PIK3R5: variants seen among roughly 807,000 people sequenced by gnomAD.
The protein encoded by PIK3R5 is phosphoinositide-3-kinase regulatory subunit 5, also known as phosphoinositide 3-kinase regulatory subunit 5.
Under a neutral mutation model 94.9 loss-of-function variants are expected in PIK3R5, and 32 were observed. That is an observed-to-expected ratio of 0.34 (90% CI 0.25 to 0.45). PIK3R5 has a LOEUF of 0.45. PIK3R5 is among the 20% of genes least tolerant of loss of function. PIK3R5 has a pLI of 1.00. For missense variants in PIK3R5, 853 were observed against 1,144.6 expected (o/e 0.75, Z 3.68); for synonymous variants, 443 against 479.4 (o/e 0.92, Z 0.99).
intron 5 of PIK3R5, among the ~76,000 whole-genome samples, chr17:8,894,641 G>A (rs1408461936): frequency 1.3e-5 from 2 of 152,238 alleles, no homozygotes; most frequent in Non-Finnish European, 2.9e-5. Context: ...GTTGTGCACA[G>A]TAGTCGCTTT....
At chr17:8,927,324 A>G (rs944087424) in intron 1 of PIK3R5, among the ~76,000 whole-genome samples, 5 of 152,232 alleles carry the variant, frequency 3.3e-5, no homozygotes, top group African/African-American at 9.6e-5. Context: ...AGCAAAAGCC[A>G]GTTAATCGGC....
chr17:8,935,312 G>A lies in PIK3R5; in HGVS notation c.-13-23805C>T, dbSNP rs139850062. Among the ~76,000 whole-genome samples the A allele has an allele frequency of 6.6e-6, 1 of 152,164 alleles. No individual in the cohort carries two copies. Among genetic ancestry groups the A allele is most frequent in the Non-Finnish European group, 1.5e-5 (1 of 68,030 alleles). ...ACATGAGTGTGCAAACGAAAGCCCC[G>A]CCCAAATATAGGCCCATGATGTTAT... On this transcript the variant is annotated intron_variant, in intron 1 of 18. Transcript: ENST00000447110. This position sits in a 1 kb window ranked among gnomAD's most constrained non-coding sequence, Gnocchi z 4.5.
In PIK3R5 at chr17:8,955,429, GGAGAGCGTGAT is replaced by G. The variant is rs1186729160; in HGVS notation, c.-14+10156_-14+10166del. Reference sequence around the variant, plus strand: ...AACTGAGTCAGGCAGTCTGGCTGGAGGAGAGCGTGATGATTCGTGGAGAAAGGAGTGGGACT... The same window carrying G: ...AACTGAGTCAGGCAGTCTGGCTGGAGGATTCGTGGAGAAAGGAGTGGGACT... On this transcript the variant is annotated intron_variant, in intron 1 of 18. Transcript: ENST00000447110. The surrounding 1 kb of genome is among the most constrained non-coding windows in gnomAD (Gnocchi z 4.4). 6.6e-6 allele frequency among the ~76,000 whole-genome samples: 1 copy of G among 152,250 alleles called. No homozygotes were observed. Among genetic ancestry groups the G allele is most frequent in the Admixed American group, 6.5e-5 (1 of 15,288 alleles).
chr17:8,890,335 C>T lies in PIK3R5; in HGVS notation c.658-209G>A, dbSNP rs140941928. ...GTCAGGAGAGAAAGATCCAGAGCCA[C>T]GGCACTGCAGTTAGGAGGGACTTCA... is the stretch of plus-strand genomic sequence containing the variant. On this transcript the variant is annotated intron_variant, in intron 7 of 18. Coordinates refer to ENST00000447110, the MANE Select transcript of PIK3R5 (RefSeq NM_001142633.3). This position sits in a 1 kb window ranked among gnomAD's most constrained non-coding sequence, Gnocchi z 6.1. Among the ~76,000 whole-genome samples, 16 of 152,262 alleles carry T rather than the reference C, an allele frequency of 1.1e-4. No homozygotes were observed. The highest frequency in any genetic ancestry group is 3.4e-4 in the African/African-American group (14 of 41,548).
intron 1 of PIK3R5, among the ~76,000 whole-genome samples, chr17:8,953,052 G>C (rs551324595): frequency 1.3e-5 from 2 of 152,340 alleles, no homozygotes; most frequent in East Asian, 3.9e-4. Flanking sequence ...GTGCTGGACT[G>C]TAATAGCACA....
chr17:8,919,713 G>C (rs936873682), intron 1 of PIK3R5, among the ~76,000 whole-genome samples: 1 of 152,208 alleles, frequency 6.6e-6, no homozygotes, highest in South Asian at 2.1e-4. Flanking sequence ...GTGTGCTTGG[G>C]ATCTGCAAGA....
intron 1 of PIK3R5, among the ~76,000 whole-genome samples, chr17:8,956,360 A>C (rs2091466748): frequency 6.6e-6 from 1 of 152,062 alleles, no homozygotes; most frequent in Non-Finnish European, 1.5e-5. Flanking sequence ...ACTCATAGTC[A>C]CTGGGAGTCC....
chr17:8,965,520 T>C (rs1031238858), intron 1 of PIK3R5, 76 bp downstream of exon 1: 4 of 152,060 alleles, frequency 2.6e-5, no homozygotes, highest in African/African-American at 4.8e-5. Flanking sequence ...TCCCCGACGG[T>C]CCCCAGCTTG....
In PIK3R5 at chr17:8,913,573, G is replaced by A. The variant is rs554958570; in HGVS notation, c.-13-2066C>T. 2.5e-4 allele frequency among the ~76,000 whole-genome samples: 38 copies of A among 152,308 alleles called. 1 individual carries two copies. The highest frequency in any genetic ancestry group is 6.2e-4 in the South Asian group (3 of 4,822). On this transcript the variant is annotated intron_variant, in intron 1 of 18. Coordinates refer to ENST00000447110, the MANE Select transcript of PIK3R5 (RefSeq NM_001142633.3). ...AAATATTTTAAAACATTAGCCAGGCGTGGTGGCAGGCACCTGTAATCCCAG... is the reference window on the plus strand; with the variant it reads ...AAATATTTTAAAACATTAGCCAGGCATGGTGGCAGGCACCTGTAATCCCAG...
chr17:8,886,135 G>A, intron 14 of PIK3R5, 94 bp downstream of exon 14: 1 of 940,514 alleles, frequency 1.1e-6, no homozygotes, highest in Non-Finnish European at 1.7e-6. Context: ...CCTTCCCATG[G>A]CCCCACCTCC....
chr17:8,891,108 G>A (rs780827171), intron 6 of PIK3R5, among the ~76,000 whole-genome samples, 196 bp from the exon 7 acceptor site: 9 of 152,232 alleles, frequency 5.9e-5, no homozygotes, highest in Non-Finnish European at 1.2e-4. Context: ...AGGGGAAAGC[G>A]TGGGGTTCAC....
chr17:8,916,539 C>T (rs913327662), intron 1 of PIK3R5: 2 of 124,292 alleles, frequency 1.6e-5, no homozygotes, highest in African/African-American at 6.1e-5. Flanking sequence ...GTTGAAATAT[C>T]CAACAACAGG....
intron 1 of PIK3R5, among the ~76,000 whole-genome samples, chr17:8,958,020 C>T (rs543675188): frequency 2.1e-4 from 32 of 152,156 alleles, no homozygotes; most frequent in Non-Finnish European, 3.7e-4. Context: ...TGCAAAAATC[C>T]TAAAGAAAGG....
chr17:8,909,289 G>A lies in PIK3R5; in HGVS notation c.104-115C>T. 3.1e-6 allele frequency: 2 copies of A among 643,874 alleles called. No individual in the cohort carries two copies. Among genetic ancestry groups the A allele is most frequent in the Non-Finnish European group, 5.5e-6 (2 of 364,832 alleles). The allele number at this position is 643,874 out of a possible 1,614,324, so 39.9% of individuals were successfully genotyped here. A position where few individuals can be genotyped will look rare whatever the true frequency, so the allele number is the denominator to read the frequency against. On this transcript the variant is annotated intron_variant, in intron 2 of 18. Transcript: ENST00000447110. This position sits in a 1 kb window ranked among gnomAD's most constrained non-coding sequence, Gnocchi z 4.3. ...AACATTTTTCTGTGGTATTGCACTG[G>A]AACACTCTTTTTTTTTTTTGAGACA...
In PIK3R5 at chr17:8,880,458, C is replaced by T. The variant is rs2089625938; in HGVS notation, c.*181G>A. The T allele has an allele frequency of 3.6e-6, 2 of 559,330 alleles. No homozygotes were observed. Among genetic ancestry groups the T allele is most frequent in the Admixed American group, 3.5e-5 (1 of 28,902 alleles). 34.6% of individuals were successfully genotyped at this position (559,330 alleles called of 1,614,324 possible). On this transcript the variant is annotated 3_prime_UTR_variant, in exon 19 of 19. Transcript: ENST00000447110. ...GCCCTTCTCTCTCTGATAGCTGTTG[C>T]TTTCCCAGAACCCTGAGGCCCCAGA...
At chr17:8,912,289 G>A (rs2090543827) in intron 1 of PIK3R5, among the ~76,000 whole-genome samples, 1 of 152,242 alleles carries the variant, frequency 6.6e-6, no homozygotes, top group Non-Finnish European at 1.5e-5. Context: ...CTGGGTCTCT[G>A]GGGAAGCCAC....
intron 1 of PIK3R5, among the ~76,000 whole-genome samples, chr17:8,912,774 G>C (rs1369283011): frequency 6.6e-6 from 1 of 152,250 alleles, no homozygotes; most frequent in African/African-American, 2.4e-5. Context: ...AGAGTATTCA[G>C]CTTACGGAGG....
At chr17:8,960,618 T>C (rs1165860499) in intron 1 of PIK3R5, among the ~76,000 whole-genome samples, 2 of 152,158 alleles carry the variant, frequency 1.3e-5, no homozygotes, top group Non-Finnish European at 2.9e-5. Context: ...ATCCCACAGA[T>C]GGGGAAACTG....
chr17:8,885,423 T>C (rs1597372226), intron 14 of PIK3R5, among the ~76,000 whole-genome samples: 20 of 103,684 alleles, frequency 1.9e-4, no homozygotes, highest in South Asian at 1.0e-3. Flanking sequence ...CAACCCCGCC[T>C]CCCCATGGCC....
Sources: gnomAD v4.1 joint callset for allele counts (sites outside exome capture counted in the v4.1 genomes callset) on GRCh38, gnomAD v4.1.1 for gene constraint, Gnocchi (gnomAD v3.1) non-coding constraint, MANE v1.5 for transcripts, NCBI Gene and HGNC (gene_info 2026-07-23, HGNC 2026-07-21) for gene names.